Variants in THSD4 observed in about 807,000 individuals in gnomAD.
THSD4 encodes thrombospondin type-1 domain-containing protein 4.
THSD4 carries 69 observed loss-of-function variants against 119.0 expected under a neutral mutation model. The observed-to-expected ratio is 0.58, with a 90% CI of 0.48 to 0.71. The LOEUF (loss-of-function observed/expected upper bound fraction) is 0.71, where lower values mean the gene tolerates loss of function less well. Among genes scored for constraint, THSD4 ranks in the 30% least tolerant of loss-of-function variants. THSD4 has a pLI of 0.00. For synonymous variants in THSD4, 524 were observed against 540.4 expected (o/e 0.97, Z 0.42); for missense variants, 1,393 against 1,391.1 (o/e 1.00, Z -0.02).
At chr15:71,667,318 A>G (rs1191352979) in intron 8 of THSD4, among the ~76,000 whole-genome samples, 1 of 152,226 alleles carries the variant, frequency 6.6e-6, no homozygotes, top group Non-Finnish European at 1.5e-5. Context: ...TTAATAAAAG[A>G]TATTGTAAAA....
chr15:71,601,181 A>T (rs1472810875), intron 7 of THSD4, among the ~76,000 whole-genome samples: 1 of 152,236 alleles, frequency 6.6e-6, no homozygotes, highest in Non-Finnish European at 1.5e-5. Context: ...TCATGTGATG[A>T]CAGAGCAAGA....
intron 1 of THSD4, among the ~76,000 whole-genome samples, chr15:71,140,298 G>A (rs1332348070): frequency 6.6e-6 from 1 of 152,174 alleles, no homozygotes; most frequent in African/African-American, 2.4e-5. Context: ...TTTCAATCAT[G>A]GTGGAGAAGG....
intron 8 of THSD4, among the ~76,000 whole-genome samples, chr15:71,696,947 T>A (rs1411037945): frequency 6.6e-6 from 1 of 152,164 alleles, no homozygotes; most frequent in Non-Finnish European, 1.5e-5. Flanking sequence ...TCCAGGTCGA[T>A]CATGGTGCAG....
rs1179638473 is a variant in THSD4 at position 71,442,610 on chromosome 15, GTGTGTGTGTA to G, written c.1152+30789_1152+30798del. Among the ~76,000 whole-genome samples, 2 of 57,734 alleles carry G rather than the reference GTGTGTGTGTA, an allele frequency of 3.5e-5. 1 individual carries two copies. Among genetic ancestry groups the G allele is most frequent in the Non-Finnish European group, 7.8e-5 (2 of 25,650 alleles). The allele number at this position is 57,734 out of a possible 152,430, so 37.9% of individuals were successfully genotyped here. A position where few individuals can be genotyped will look rare whatever the true frequency, so the allele number is the denominator to read the frequency against. ...TATATATATATATATATGTGTGTGT[GTGTGTGTGTA>G]TATATATATGTATGTGTGTGTATAT... is the stretch of plus-strand genomic sequence containing the variant. On this transcript the variant is annotated intron_variant, in intron 7 of 17. Coordinates refer to ENST00000261862, the MANE Select transcript of THSD4 (RefSeq NM_024817.3).
chr15:71,432,919 A>G (rs1460102108), intron 7 of THSD4, among the ~76,000 whole-genome samples: 1 of 151,416 alleles, frequency 6.6e-6, no homozygotes, highest in Non-Finnish European at 1.5e-5. Flanking sequence ...AACATTTCCT[A>G]CCCTCCCTGT....
intron 8 of THSD4, among the ~76,000 whole-genome samples, chr15:71,724,288 T>TATATATATATATATATATATA (rs1491162842): frequency 1.9e-4 from 6 of 31,470 alleles, no homozygotes; most frequent in African/African-American, 2.6e-4. Flanking sequence ...TATATATATA[T>TATATATATATATATATATATA]TTTTTTTTTC....
intron 3 of THSD4, among the ~76,000 whole-genome samples, chr15:71,191,343 G>A (rs1406677402): frequency 6.6e-6 from 1 of 152,070 alleles, no homozygotes; most frequent in Non-Finnish European, 1.5e-5. Flanking sequence ...TTTCTTCTGG[G>A]CACCAGTGTT....
At chr15:71,546,543 G>A (rs543053953) in intron 7 of THSD4, among the ~76,000 whole-genome samples, 3 of 152,298 alleles carry the variant, frequency 2.0e-5, no homozygotes, top group South Asian at 2.1e-4. Flanking sequence ...CTGCATTTCA[G>A]TGTACTCTGA....
At chr15:71,272,096 A>G (rs1039028271) in intron 6 of THSD4, among the ~76,000 whole-genome samples, 1 of 152,100 alleles carries the variant, frequency 6.6e-6, no homozygotes, top group African/African-American at 2.4e-5. Flanking sequence ...CTAGCAAGAA[A>G]ACAACTCTTA....
chr15:71,324,376 G>C (rs2045314011), intron 6 of THSD4, among the ~76,000 whole-genome samples: 1 of 152,104 alleles, frequency 6.6e-6, no homozygotes, highest in Admixed American at 6.6e-5. Flanking sequence ...TTGTAGAGTG[G>C]TGAAGTCTGA....
intron 7 of THSD4, among the ~76,000 whole-genome samples, chr15:71,575,556 G>A (rs914774772): frequency 2.6e-5 from 4 of 152,166 alleles, no homozygotes; most frequent in South Asian, 2.1e-4. Context: ...TTGTTTCTTC[G>A]TCTTTAATAA....
At chr15:71,727,392 G>A (rs1400612114) in intron 8 of THSD4, among the ~76,000 whole-genome samples, 1 of 151,496 alleles carries the variant, frequency 6.6e-6, no homozygotes, top group African/African-American at 2.4e-5. Context: ...TGTAAGTAGA[G>A]AGAATTATAA....
chr15:71,751,749 C>A (rs2053451949), intron 14 of THSD4, among the ~76,000 whole-genome samples: 1 of 152,032 alleles, frequency 6.6e-6, no homozygotes, highest in Admixed American at 6.6e-5. Context: ...CTCACTGAAG[C>A]CTTGACCTCC....
chr15:71,163,453 C>T (rs1432657494), intron 3 of THSD4, among the ~76,000 whole-genome samples: 11 of 151,870 alleles, frequency 7.2e-5, no homozygotes, highest in African/African-American at 1.2e-4. Context: ...TTTAAGAAAA[C>T]GATAATCTCG....
intron 7 of THSD4, among the ~76,000 whole-genome samples, chr15:71,658,471 T>G (rs1389841269): frequency 6.6e-6 from 1 of 152,032 alleles, no homozygotes; most frequent in Non-Finnish European, 1.5e-5. Flanking sequence ...AGGCAATGGG[T>G]GTTGACCACC....
In THSD4 at chr15:71,780,564, C is replaced by T. The variant is rs1172577290; in HGVS notation, c.*3190C>T. The stretch of plus-strand genomic sequence containing the variant: ...AAGAAAAAAAAAAGCCATTTAAAGC[C>T]AGCCACTAGAGGGAGTCAGTTCAGT... On this transcript the variant is annotated 3_prime_UTR_variant, in exon 18 of 18. Coordinates refer to ENST00000261862, the MANE Select transcript of THSD4 (RefSeq NM_024817.3). The T allele has an allele frequency of 8.4e-6, 3 of 356,768 alleles. No individual in the cohort carries two copies. Among genetic ancestry groups the T allele is most frequent in the South Asian group, 6.3e-5 (3 of 47,538 alleles). The allele number at this position is 356,768 out of a possible 1,614,324, so 22.1% of individuals were successfully genotyped here.
At position 71,627,609 on chromosome 15, in the gene THSD4, C is replaced by T. The variant is rs557805054; in HGVS notation, c.1153-32921C>T. Among the ~76,000 whole-genome samples the T allele has an allele frequency of 1.1e-4, 16 of 152,254 alleles. No homozygotes were observed. The South Asian group carries it at 2.5e-3, about 24-fold the overall frequency. On this transcript the variant is annotated intron_variant, in intron 7 of 17. Coordinates refer to ENST00000261862, the MANE Select transcript of THSD4 (RefSeq NM_024817.3). Reference sequence around the variant, plus strand: ...TCCAGAAATCTCATATGAGGACCGCCTGTTGGATCTGAGCTGGAAATGACA... The same window carrying T: ...TCCAGAAATCTCATATGAGGACCGCTTGTTGGATCTGAGCTGGAAATGACA...
At chr15:71,372,025 C>T (rs1179883390) in intron 6 of THSD4, among the ~76,000 whole-genome samples, 1 of 152,154 alleles carries the variant, frequency 6.6e-6, no homozygotes, top group Non-Finnish European at 1.5e-5. Context: ...TCATTTCATT[C>T]ATTTGATCTT....
chr15:71,600,745 TTTC>T (rs1254564661), intron 7 of THSD4, among the ~76,000 whole-genome samples: 2,576 of 131,930 alleles, frequency 0.02, 60 homozygotes, highest in African/African-American at 0.065. Flanking sequence ...TTTTTCTTTC[TTTC>T]TTTTTTTTTT....
Sources: allele counts gnomAD v4.1 joint callset (sites outside exome capture counted in the v4.1 genomes callset), GRCh38; gene constraint gnomAD v4.1.1; transcripts MANE v1.5; gene names NCBI Gene and HGNC (gene_info 2026-07-23, HGNC 2026-07-21).